Variants in SFT2D2 observed in about 807,000 individuals in gnomAD.
SFT2D2 encodes SFT2 domain containing 2.
Under a neutral mutation model 27.4 loss-of-function variants are expected in SFT2D2, and 21 were observed. That is an observed-to-expected ratio of 0.77 (90% CI 0.54 to 1.10). The LOEUF is 1.10. Among genes scored for constraint, SFT2D2 ranks in the 50% least tolerant of loss-of-function variants. The pLI is 0.00. For synonymous variants in SFT2D2, 72 were observed against 71.7 expected (o/e 1.00, Z -0.02); for missense variants, 187 against 194.2 (o/e 0.96, Z 0.22).
At chr1:168,230,785 T>C (rs1311085101) in intron 1 of SFT2D2, among the ~76,000 whole-genome samples, 2 of 152,186 alleles carry the variant, frequency 1.3e-5, no homozygotes, top group African/African-American at 4.8e-5. Context: ...GTTGTCATTT[T>C]TGACATGGGA....
At position 168,231,891 on chromosome 1, in the gene SFT2D2, A is replaced by G. The variant is rs1647332595; in HGVS notation, c.208A>G (p.Thr70Ala). Reference sequence around the variant, plus strand: ...ACTACACCTCTTCGCAGTGTTTTATACCTTTGGTAATATCGCATCAATTGG... The same window carrying G: ...ACTACACCTCTTCGCAGTGTTTTATGCCTTTGGTAATATCGCATCAATTGG... The part of the protein sequence containing the change: ...KGLHLFAVFY[T>A]FGNIASIGST... Residue 70 changes from threonine (T) to alanine (A), a missense_variant, in exon 3 of 8, where the codon ACC (threonine) becomes GCC (alanine). Thr to Ala is a moderately conservative substitution (Grantham distance 58, BLOSUM62 0). Coordinates refer to ENST00000271375, the MANE Select transcript of SFT2D2 (RefSeq NM_199344.3). 1 of 1,614,058 alleles carries G rather than the reference A, an allele frequency of 6.2e-7. No homozygotes were observed. Among genetic ancestry groups the G allele is most frequent in the South Asian group, 1.1e-5 (1 of 91,074 alleles).
chr1:168,231,706 G>A, intron 2 of SFT2D2, 106 bp downstream of exon 2: 1 of 1,429,952 alleles, frequency 7.0e-7, no homozygotes, highest in Non-Finnish European at 9.9e-7. Flanking sequence ...AAAATGCATG[G>A]ATGAGAGGAG....
rs1297087482 is a variant in SFT2D2 at position 168,236,631 on chromosome 1, G to A, written c.354+7G>A. On this transcript the variant is annotated splice_region_variant and intron_variant, in intron 5 of 7. Coordinates refer to ENST00000271375, the MANE Select transcript of SFT2D2 (RefSeq NM_199344.3). The stretch of plus-strand genomic sequence containing the variant: ...CCTGTGTTCTGCCTTTTGGGTAAAT[G>A]TATATTTTAATTTTTCTTAACCATT... The A allele has an allele frequency of 6.2e-7, 1 of 1,613,332 alleles. No individual in the cohort carries two copies. The highest frequency in any genetic ancestry group is 2.2e-5 in the East Asian group (1 of 44,870).
chr1:168,229,649 A>G (rs905693582), intron 1 of SFT2D2: 2 of 150,926 alleles, frequency 1.3e-5, no homozygotes, highest in African/African-American at 5.0e-5. Flanking sequence ...CGAACAAGCC[A>G]GGCCAATCCT....
At chr1:168,235,002 T>C (rs1244324219) in intron 3 of SFT2D2, 99 bp from the exon 4 acceptor site, 1 of 1,025,092 alleles carries the variant, frequency 9.8e-7, no homozygotes, top group African/African-American at 1.6e-5. Flanking sequence ...GCTTTTCAAA[T>C]GTTAGCTACT....
chr1:168,250,028 G>C lies in SFT2D2; in HGVS notation c.*7488G>C, dbSNP rs1197470832. 2 of 152,200 alleles carry C rather than the reference G, an allele frequency of 1.3e-5. No individual in the cohort carries two copies. The highest frequency in any genetic ancestry group is 2.9e-5 in the Non-Finnish European group (2 of 68,060). The allele number at this position is 152,200 out of a possible 1,614,324, so 9.4% of individuals were successfully genotyped here. A position where few individuals can be genotyped will look rare whatever the true frequency, so the allele number is the denominator to read the frequency against. On this transcript the variant is annotated 3_prime_UTR_variant, in exon 8 of 8. Coordinates refer to ENST00000271375, the MANE Select transcript of SFT2D2 (RefSeq NM_199344.3). ...GTGAATGGTATTGCCTCCATCCTCT[G>C]AGAAGGTAAAGAGCCTATCCCAGAC...
chr1:168,236,843 A>AATATGTGAGTT, intron 6 of SFT2D2, 73 bp downstream of exon 6: 1 of 1,492,678 alleles, frequency 6.7e-7, no homozygotes. Context: ...TAAAACTCAC[A>AATATGTGAGTT]TATTGTGGGT....
rs1177413907 is a variant in SFT2D2, at chr1:168,244,360, GTGGAGACAGGGTTTCACCATGT to G, written c.*1824_*1845del. 1 of 152,088 alleles carries G rather than the reference GTGGAGACAGGGTTTCACCATGT, an allele frequency of 6.6e-6. No homozygotes were observed. The highest frequency in any genetic ancestry group is 2.4e-5 in the African/African-American group (1 of 41,376). The allele number at this position is 152,088 out of a possible 1,614,324, so 9.4% of individuals were successfully genotyped here. A position where few individuals can be genotyped will look rare whatever the true frequency, so the allele number is the denominator to read the frequency against. On this transcript the variant is annotated 3_prime_UTR_variant, in exon 8 of 8. Coordinates refer to ENST00000271375, the MANE Select transcript of SFT2D2 (RefSeq NM_199344.3). ...GCCCGTGCTAATTTTTGTGTTTTTA[GTGGAGACAGGGTTTCACCATGT>G]TGGCCAAGCTGGTCTGGAACTCCTG...
rs1281406750 is a variant in SFT2D2 at position 168,246,976 on chromosome 1, T to C, written c.*4436T>C. 1.6e-6 allele frequency: 1 copy of C among 609,560 alleles called. No homozygotes were observed. 37.8% of individuals were successfully genotyped at this position (609,560 alleles called of 1,614,324 possible). A position where few individuals can be genotyped will look rare whatever the true frequency, so the allele number is the denominator to read the frequency against. On this transcript the variant is annotated 3_prime_UTR_variant, in exon 8 of 8. Coordinates refer to ENST00000271375, the MANE Select transcript of SFT2D2 (RefSeq NM_199344.3). ...GCAATTTCATCTTGCATCAAATGGT[T>C]TTTATGCAACAGGTCTTCTTCTTTT...
At chr1:168,230,617 G>A (rs1247845547) in intron 1 of SFT2D2, among the ~76,000 whole-genome samples, 1 of 152,132 alleles carries the variant, frequency 6.6e-6, no homozygotes, top group Non-Finnish European at 1.5e-5. Flanking sequence ...GGGATTACAG[G>A]CATGCACCAC....
chr1:168,226,435 G>C (rs1273336615), intron 1 of SFT2D2, among the ~76,000 whole-genome samples: 1 of 152,160 alleles, frequency 6.6e-6, no homozygotes, highest in Non-Finnish European at 1.5e-5. Flanking sequence ...CTGGGCTGTC[G>C]GCCCCGGCCC....
chr1:168,235,168 A>T lies in SFT2D2; in HGVS notation c.304A>T (p.Thr102Ser). The T allele has an allele frequency of 6.2e-7, 1 of 1,614,228 alleles. No homozygotes were observed. The highest frequency in any genetic ancestry group is 2.2e-5 in the East Asian group (1 of 44,892). The change falls in exon 4 of 8, where the codon ACT (threonine) becomes TCT (serine). Residue 102 changes from threonine to serine, a missense_variant. Physicochemically the swap from Thr to Ser is moderately conservative, Grantham distance 58 (BLOSUM62 1). Coordinates refer to ENST00000271375, the MANE Select transcript of SFT2D2 (RefSeq NM_199344.3). ...RMFEPTRLIA[T>S]IMVLLCFALT... ...GTTTGAGCCTACTCGTTTGATTGCA[A>T]CTATCATGGTGCTGGTAAGGTCTGC... is the stretch of plus-strand genomic sequence containing the variant.
intron 7 of SFT2D2, among the ~76,000 whole-genome samples, chr1:168,240,781 G>A (rs138885600): frequency 1.1e-4 from 16 of 152,072 alleles, no homozygotes; most frequent in Middle Eastern, 6.8e-3. Context: ...GCGTGGTGGC[G>A]TGCACCTGTA....
chr1:168,232,481 CT>C (rs993340111), intron 3 of SFT2D2, among the ~76,000 whole-genome samples: 10 of 152,238 alleles, frequency 6.6e-5, no homozygotes, highest in Non-Finnish European at 1.2e-4. Context: ...ACTGGGAGCA[CT>C]GGCCTGGCCT....
chr1:168,231,492 A>ATTT, intron 1 of SFT2D2, 22 bp from the exon 2 acceptor site: 1 of 1,409,208 alleles, frequency 7.1e-7, no homozygotes, highest in African/African-American at 1.5e-5. Flanking sequence ...GTGTATATGT[A>ATTT]TTTTTTTTTT....
rs1416363706 is a variant in SFT2D2 at position 168,245,176 on chromosome 1, A to G, written c.*2636A>G. ...TGAAAAGAAATGAGTAAAACTGTCT[A>G]TTCACAGATATTATCATCTATGTAG... On this transcript the variant is annotated 3_prime_UTR_variant, in exon 8 of 8. Transcript: ENST00000271375. The G allele has an allele frequency of 6.6e-6, 1 of 152,216 alleles. No individual in the cohort carries two copies. The highest frequency in any genetic ancestry group is 1.5e-5 in the Non-Finnish European group (1 of 68,032). The allele number at this position is 152,216 out of a possible 1,614,324, so 9.4% of individuals were successfully genotyped here.
intron 7 of SFT2D2, among the ~76,000 whole-genome samples, chr1:168,241,518 T>C (rs1444872228): frequency 6.6e-6 from 1 of 152,066 alleles, no homozygotes; most frequent in African/African-American, 2.4e-5. Flanking sequence ...TAAGTTCCCC[T>C]GGAATAGCTT....
intron 6 of SFT2D2, among the ~76,000 whole-genome samples, chr1:168,236,996 C>T (rs1192244386): frequency 6.6e-6 from 1 of 152,162 alleles, no homozygotes; most frequent in Non-Finnish European, 1.5e-5. Context: ...ACAGGAGGCT[C>T]CTTGTTTGCC....
Position 168,226,039 on chromosome 1 carries a change from G to C in SFT2D2, c.-41G>C. 1 of 1,485,488 alleles carries C rather than the reference G, an allele frequency of 6.7e-7. No homozygotes were observed. The highest frequency in any genetic ancestry group is 2.9e-5 in the East Asian group (1 of 34,416). 92.0% of individuals were successfully genotyped at this position (1,485,488 alleles called of 1,614,324 possible). On this transcript the variant is annotated 5_prime_UTR_variant, in exon 1 of 8. Transcript: ENST00000271375. Reference sequence around the variant, plus strand: ...GCCGTCAACTTAGCGAGCGCAACAGGCTGCCGCTGAGGAGCTGGAGCTGGT... The same window carrying C: ...GCCGTCAACTTAGCGAGCGCAACAGCCTGCCGCTGAGGAGCTGGAGCTGGT...
Sources: gnomAD v4.1 joint callset for allele counts (sites outside exome capture counted in the v4.1 genomes callset) on GRCh38, gnomAD v4.1.1 for gene constraint, MANE v1.5 for transcripts, NCBI Gene and HGNC (gene_info 2026-07-23, HGNC 2026-07-21) for gene names.